Variants in DMD observed in about 807,000 individuals in gnomAD.
The protein encoded by DMD is dystrophin.
Under a neutral mutation model 330.1 loss-of-function variants are expected in DMD, and 63 were observed. The ratio of observed to expected loss-of-function variants is 0.19; its 90% CI spans 0.16 to 0.24. DMD has a LOEUF of 0.24. DMD is among the 10% of genes least tolerant of loss of function. The pLI is 1.00. For synonymous variants in DMD, 1,223 were observed against 959.8 expected, an observed-to-expected ratio of 1.27 and a Z score of -5.07; for missense variants, 3,344 against 2,684.1, an observed-to-expected ratio of 1.25 and a Z score of -5.43.
At chrX:31,547,288 A>AATGAAATGAAAGCTGGTTC (rs2074199000) in intron 55 of DMD, among the ~76,000 whole-genome samples, 1 of 111,847 alleles carries the variant, frequency 8.9e-6, no homozygotes, top group Non-Finnish European at 1.9e-5. Flanking sequence ...AAAGCTGGTT[A>AATGAAATGAAAGCTGGTTC]TAATGAAATG....
At chrX:32,615,961 T>A (rs1185380801) in intron 11 of DMD, among the ~76,000 whole-genome samples, 1 of 111,424 alleles carries the variant, frequency 9.0e-6, no homozygotes, top group Non-Finnish European at 1.9e-5. Context: ...TTGTCCTGTT[T>A]CCTTAATCTG....
intron 1 of DMD, among the ~76,000 whole-genome samples, chrX:33,171,958 T>C (rs1394901678): frequency 9.0e-6 from 1 of 111,256 alleles, no homozygotes; most frequent in African/African-American, 3.3e-5. Context: ...AACCAGGTCA[T>C]CCTGACTTGA....
intron 2 of DMD, among the ~76,000 whole-genome samples, chrX:33,013,206 A>G (rs771450176): frequency 9.0e-6 from 1 of 111,009 alleles, no homozygotes; most frequent in African/African-American, 3.3e-5. Context: ...TACTGTGAGC[A>G]AGCCACATAA....
At chrX:33,168,900 T>G (rs756949085) in intron 1 of DMD, among the ~76,000 whole-genome samples, 1 of 110,838 alleles carries the variant, frequency 9.0e-6, no homozygotes, top group Non-Finnish European at 1.9e-5. Context: ...AAGCATTTAT[T>G]ATATAAATAA....
chrX:32,977,017 G>A (rs1472273136), intron 2 of DMD, among the ~76,000 whole-genome samples: 2 of 111,715 alleles, frequency 1.8e-5, no homozygotes, highest in East Asian at 5.6e-4. Flanking sequence ...GTAGCCTGGC[G>A]TGGTGGCTCA....
chrX:32,040,030 G>C (rs1370260539), intron 44 of DMD, among the ~76,000 whole-genome samples: 1 of 111,868 alleles, frequency 8.9e-6, no homozygotes, highest in East Asian at 2.8e-4. Context: ...TAGTTTTGTA[G>C]ACACAACTTA....
intron 51 of DMD, among the ~76,000 whole-genome samples, chrX:31,769,507 C>A (rs754900364): frequency 1.5e-4 from 17 of 112,033 alleles, no homozygotes; most frequent in African/African-American, 5.5e-4. Context: ...TTTAGATCAG[C>A]TGTATCCAAT....
chrX:31,216,914 G>A (rs184812794), intron 64 of DMD, among the ~76,000 whole-genome samples: 29 of 111,801 alleles, frequency 2.6e-4, no homozygotes, highest in Non-Finnish European at 4.7e-4. Context: ...CTGAATAGAG[G>A]CAAAATGTTC....
intron 43 of DMD, among the ~76,000 whole-genome samples, chrX:32,231,511 T>G (rs1276311642): frequency 1.8e-5 from 2 of 112,152 alleles, no homozygotes; most frequent in East Asian, 5.6e-4. Context: ...CCATAAAAAA[T>G]TAAAGATTAA....
At chrX:32,696,691 G>GA (rs1176760935) in intron 9 of DMD, among the ~76,000 whole-genome samples, 2 of 110,612 alleles carry the variant, frequency 1.8e-5, no homozygotes, top group Non-Finnish European at 3.8e-5. Context: ...ATGAGAGGGG[G>GA]AAAAAAACCC....
intron 44 of DMD, among the ~76,000 whole-genome samples, chrX:32,199,765 C>T (rs1389817223): frequency 4.0e-5 from 4 of 101,094 alleles, no homozygotes; most frequent in African/African-American, 1.1e-4. Flanking sequence ...CAGCAAGCGC[C>T]ACCACGCAAG....
intron 15 of DMD, among the ~76,000 whole-genome samples, chrX:32,566,127 T>C (rs1450898375): frequency 8.9e-6 from 1 of 111,940 alleles, no homozygotes; most frequent in Non-Finnish European, 1.9e-5. Flanking sequence ...CTACTAGAGG[T>C]AATTAAGAGC....
At chrX:32,640,823 C>T (rs949960011) in intron 11 of DMD, among the ~76,000 whole-genome samples, 1 of 111,225 alleles carries the variant, frequency 9.0e-6, no homozygotes, top group African/African-American at 3.3e-5. Context: ...CTCTCACCTA[C>T]ATAAAATCTG....
chrX:32,340,198 A>C (rs1276697438), intron 41 of DMD, among the ~76,000 whole-genome samples: 2 of 111,859 alleles, frequency 1.8e-5, no homozygotes, highest in Non-Finnish European at 3.8e-5. Context: ...ATACGATGCC[A>C]AATATAACTG....
chrX:31,383,199 C>A (rs2060270804), intron 60 of DMD, among the ~76,000 whole-genome samples: 1 of 111,045 alleles, frequency 9.0e-6, no homozygotes, highest in Non-Finnish European at 1.9e-5. Flanking sequence ...CAGAGGACAA[C>A]CCCCCTTTGA....
Position 32,975,822 on chromosome X carries a change from T to G in DMD, c.93+44317A>C, listed in dbSNP as rs371351617. Among the ~76,000 whole-genome samples, 23 of 111,774 alleles carry G rather than the reference T, an allele frequency of 2.1e-4. No homozygotes were observed. The South Asian group carries it at 6.4e-3, about 31-fold the overall frequency. On this transcript the variant is annotated intron_variant, in intron 2 of 78. Coordinates refer to ENST00000357033, the MANE Select transcript of DMD (RefSeq NM_004006.3). ...AGATCAAAGGGGCCTGGGATTTTCA[T>G]GCCATCACAGGGCCAGTTTCTTGCT...
intron 2 of DMD, among the ~76,000 whole-genome samples, chrX:32,874,792 C>T (rs908779033): frequency 9.0e-6 from 1 of 111,497 alleles, no homozygotes; most frequent in Non-Finnish European, 1.9e-5. Flanking sequence ...CCCTAAGATG[C>T]CATGCATAAA....
intron 7 of DMD, among the ~76,000 whole-genome samples, chrX:32,738,483 AG>A (rs1282992374): frequency 1.8e-5 from 2 of 111,699 alleles, no homozygotes; most frequent in Non-Finnish European, 3.8e-5. Context: ...CCCTTAATAA[AG>A]CAATTGTAAG....
chrX:31,640,909 C>T (rs946092374), intron 54 of DMD, among the ~76,000 whole-genome samples: 4 of 111,984 alleles, frequency 3.6e-5, no homozygotes, highest in Non-Finnish European at 7.5e-5. Flanking sequence ...AAGATTTGCT[C>T]AGATAACAGT....
Sources: gnomAD v4.1 joint callset for allele counts (sites outside exome capture counted in the v4.1 genomes callset) on GRCh38, gnomAD v4.1.1 for gene constraint, MANE v1.5 for transcripts, NCBI Gene and HGNC (gene_info 2026-07-23, HGNC 2026-07-21) for gene names.